SOX6: variants seen among roughly 807,000 people sequenced by gnomAD.
SOX6 encodes transcription factor SOX-6.
In SOX6, 11 loss-of-function variants were observed where a neutral mutation model predicts 97.8. The observed-to-expected ratio is 0.11, with a 90% CI of 0.07 to 0.19. The LOEUF is 0.19. Among genes scored for constraint, SOX6 ranks in the 10% least tolerant of loss-of-function variants. The pLI, the probability that SOX6 is intolerant of heterozygous loss-of-function variation, is 1.00. For synonymous variants in SOX6, 360 were observed against 371.4 expected (o/e 0.97, Z 0.35); for missense variants, 810 against 1,039.5 (o/e 0.78, Z 3.04).
intron 4 of SOX6, among the ~76,000 whole-genome samples, chr11:16,545,036 A>G (rs1847600662): frequency 6.6e-6 from 1 of 152,136 alleles, no homozygotes; most frequent in Non-Finnish European, 1.5e-5. Flanking sequence ...CAGCCTAGGC[A>G]AGAGAGCAAG....
At chr11:16,567,911 T>C (rs1345515297) in intron 4 of SOX6, among the ~76,000 whole-genome samples, 1 of 150,846 alleles carries the variant, frequency 6.6e-6, no homozygotes, top group Non-Finnish European at 1.5e-5. Context: ...AACTTATGTG[T>C]GAATAAGTAT....
intron 15 of SOX6, among the ~76,000 whole-genome samples, chr11:15,983,057 A>G (rs1853718383): frequency 1.3e-5 from 2 of 152,080 alleles, no homozygotes; most frequent in Admixed American, 1.3e-4. Flanking sequence ...TTAAATTAGT[A>G]TAGTAAATGA....
chr11:16,063,018 T>C (rs1296471066), intron 9 of SOX6, among the ~76,000 whole-genome samples: 6 of 151,676 alleles, frequency 4.0e-5, no homozygotes, highest in Non-Finnish European at 7.4e-5. Flanking sequence ...TATCTATCAC[T>C]TAAAAGTAGA....
At chr11:16,244,115 AC>A (rs1284312068) in intron 3 of SOX6, among the ~76,000 whole-genome samples, 1 of 151,908 alleles carries the variant, frequency 6.6e-6, no homozygotes, top group Non-Finnish European at 1.5e-5. Flanking sequence ...AAGTGGTTGC[AC>A]CATTTTATAC....
intron 4 of SOX6, among the ~76,000 whole-genome samples, chr11:16,499,652 C>T (rs960677737): frequency 1.3e-5 from 2 of 152,180 alleles, no homozygotes; most frequent in African/African-American, 4.8e-5. Context: ...CACAGAAATA[C>T]AAACTACCAT....
At chr11:16,517,572 G>A (rs1188782575) in intron 4 of SOX6, among the ~76,000 whole-genome samples, 18 of 152,098 alleles carry the variant, frequency 1.2e-4, no homozygotes, top group Non-Finnish European at 1.5e-5. Flanking sequence ...CTTAGGAAGA[G>A]CCAGACATGC....
intron 4 of SOX6, among the ~76,000 whole-genome samples, chr11:16,495,582 G>A (rs780125413): frequency 7.9e-5 from 12 of 152,164 alleles, no homozygotes; most frequent in Non-Finnish European, 1.6e-4. Flanking sequence ...TGTGGTTCAA[G>A]GACTGTCCAC....
In SOX6 at chr11:15,993,617, G is replaced by T. The variant is rs114966274; in HGVS notation, c.1733-4387C>A. ...TTCAAGGGAAAGCAAGGTCCCGTATGCCAGGAGAGGCTGCTCTGTACAACT... is the reference window on the plus strand; with the variant it reads ...TTCAAGGGAAAGCAAGGTCCCGTATTCCAGGAGAGGCTGCTCTGTACAACT... On this transcript the variant is annotated intron_variant, in intron 13 of 15. Coordinates refer to ENST00000683767, the MANE Select transcript of SOX6 (RefSeq NM_001367873.1). 8.4e-3 allele frequency among the ~76,000 whole-genome samples: 1,274 copies of T among 152,304 alleles called. 13 individuals are homozygous for T. The highest frequency in any genetic ancestry group is 0.03 in the African/African-American group (1,232 of 41,548).
rs375911322 is a variant in SOX6 at position 16,096,159 on chromosome 11, C to T, written c.979-41G>A. 2.5e-6 allele frequency: 4 copies of T among 1,579,444 alleles called. No individual in the cohort carries two copies. In the African/African-American group the frequency reaches 4.1e-5, roughly 16 times the overall value. On this transcript the variant is annotated intron_variant, in intron 8 of 15. Coordinates refer to ENST00000683767, the MANE Select transcript of SOX6 (RefSeq NM_001367873.1). ...TTCAGAAAAAAAAAAAAAGACAAAACATACTGTCAGAACTCATGAAACAGA... is the reference window on the plus strand; with the variant it reads ...TTCAGAAAAAAAAAAAAAGACAAAATATACTGTCAGAACTCATGAAACAGA...
intron 1 of SOX6, among the ~76,000 whole-genome samples, chr11:16,428,626 A>G (rs1277455781): frequency 1.3e-5 from 2 of 152,176 alleles, no homozygotes; most frequent in Non-Finnish European, 2.9e-5. Flanking sequence ...GTCATAGATC[A>G]GATAGTTGTA....
intron 1 of SOX6, among the ~76,000 whole-genome samples, chr11:16,456,988 A>G (rs1255641849): frequency 6.6e-6 from 1 of 152,114 alleles, no homozygotes; most frequent in Admixed American, 6.6e-5. Flanking sequence ...CTTATATTCT[A>G]TCTTGATGGG....
intron 9 of SOX6, among the ~76,000 whole-genome samples, chr11:16,062,491 A>C (rs1847984644): frequency 6.6e-6 from 1 of 151,710 alleles, no homozygotes; most frequent in Non-Finnish European, 1.5e-5. Flanking sequence ...AAAAATCAAC[A>C]ATATAGTAAA....
At chr11:16,451,171 G>T (rs1242322453) in intron 1 of SOX6, among the ~76,000 whole-genome samples, 1 of 152,112 alleles carries the variant, frequency 6.6e-6, no homozygotes, top group African/African-American at 2.4e-5. Context: ...TGCAGAGGTT[G>T]CAGTGAGCCG....
At chr11:15,978,041 G>A (rs968636104) in intron 15 of SOX6, among the ~76,000 whole-genome samples, 1 of 152,090 alleles carries the variant, frequency 6.6e-6, no homozygotes, top group South Asian at 2.1e-4. Context: ...CTCTGCTTGT[G>A]CACTGAAACT....
upstream of SOX6, among the ~76,000 whole-genome samples, chr11:16,361,541 C>A (rs961366524): frequency 3.3e-5 from 5 of 152,154 alleles, no homozygotes; most frequent in African/African-American, 4.8e-5. Context: ...GCATAATTTT[C>A]TGTGATTTAT....
At chr11:16,217,331 G>T (rs912691606) in intron 4 of SOX6, among the ~76,000 whole-genome samples, 1 of 152,086 alleles carries the variant, frequency 6.6e-6, no homozygotes, top group African/African-American at 2.4e-5. Flanking sequence ...TTACTAACTT[G>T]AGTAAAAATG....
chr11:16,506,835 G>A lies in SOX6; in HGVS notation n.610-30447C>T, dbSNP rs570964066. On this transcript the variant is annotated intron_variant and non_coding_transcript_variant, in intron 4 of 5. Transcript: ENST00000524520. ...TCCCAGAACTTTGGGAGGCCAAGGC[G>A]GGCAGATCACTTGAGGTCAGGAGTT... Among the ~76,000 whole-genome samples, 742 of 152,186 alleles carry A rather than the reference G, an allele frequency of 4.9e-3. 6 individuals are homozygous for A. Among genetic ancestry groups the A allele is most frequent in the African/African-American group, 0.017 (687 of 41,526 alleles).
chr11:16,175,542 G>A (rs934393667), intron 6 of SOX6, among the ~76,000 whole-genome samples: 2 of 151,708 alleles, frequency 1.3e-5, no homozygotes, highest in Non-Finnish European at 2.9e-5. Context: ...CATACATTCC[G>A]AAATAACACA....
intron 13 of SOX6, among the ~76,000 whole-genome samples, chr11:16,005,528 A>T (rs2133850620): frequency 1.3e-5 from 2 of 152,150 alleles, no homozygotes; most frequent in African/African-American, 4.8e-5. Flanking sequence ...AGTTTCAGGG[A>T]CATTTGACAA....
Sources: gnomAD v4.1 joint callset for allele counts (sites outside exome capture counted in the v4.1 genomes callset) on GRCh38, gnomAD v4.1.1 for gene constraint, MANE v1.5 for transcripts, NCBI Gene and HGNC (gene_info 2026-07-23, HGNC 2026-07-21) for gene names.